DENND3: variants seen among roughly 807,000 people sequenced by gnomAD.
DENND3 encodes DENN domain-containing protein 3.
DENND3 carries 88 observed loss-of-function variants against 135.1 expected under a neutral mutation model. The ratio of observed to expected loss-of-function variants is 0.65; its 90% confidence interval spans 0.55 to 0.78. DENND3 has a LOEUF of 0.78. DENND3 is among the 30% of genes least tolerant of loss of function. DENND3 has a pLI of 0.00. For synonymous variants in DENND3, 693 were observed against 712.3 expected (o/e 0.97, Z 0.43); for missense variants, 1,392 against 1,688.4 (o/e 0.82, Z 3.08).
In DENND3 at chr8:141,168,456, C is replaced by T. The variant is rs377241801; in HGVS notation, c.2206C>T (p.Arg736Trp). ...KHMQLGDFMK[R>W]VQESGIVKDA... ...CATGCAGCTGGGCGACTTCATGAAG[C>T]GGGTCCAGGAGTCAGGGATCGTGAA... The change falls in exon 13 of 23, where the codon CGG (arginine) becomes TGG (tryptophan). Residue 736 changes from arginine (R) to tryptophan (W), a missense_variant. By Grantham distance (101) the Arg-to-Trp change is moderately radical. Transcript: ENST00000519811. This position sits in a 1 kb window ranked among gnomAD's most constrained non-coding sequence, Gnocchi z 6.2. 95 of 1,613,658 alleles carry T rather than the reference C, an allele frequency of 5.9e-5. No homozygotes were observed. Among genetic ancestry groups the T allele is most frequent in the South Asian group, 1.2e-4 (11 of 91,090 alleles).
chr8:141,144,334 C>A lies in DENND3; in HGVS notation c.735+75C>A, dbSNP rs1555542530. 7.6e-7 allele frequency: 1 copy of A among 1,313,706 alleles called. No homozygotes were observed. The highest frequency in any genetic ancestry group is 1.0e-6 in the Non-Finnish European group (1 of 952,868). The allele number at this position is 1,313,706 out of a possible 1,614,324, so 81.4% of individuals were successfully genotyped here. ...TAAGATGTTGAAGATAATGTAAATG[C>A]TCACAACTATTTCTGAAGTTCTAGC... On this transcript the variant is annotated intron_variant, in intron 5 of 22. Coordinates refer to ENST00000519811, the MANE Select transcript of DENND3 (RefSeq NM_001352890.3). The surrounding 1 kb of genome is among the most constrained non-coding windows in gnomAD (Gnocchi z 4.4).
At position 141,175,895 on chromosome 8, in the gene DENND3, G is replaced by A. The variant is rs1589675639; in HGVS notation, c.2535+436G>A. On this transcript the variant is annotated intron_variant, in intron 14 of 22. Transcript: ENST00000519811. The surrounding 1 kb of genome is among the most constrained non-coding windows in gnomAD (Gnocchi z 5.4). ...ACCTGGTTCATATAAAACATAACAA[G>A]CTTATTTTATAACAATTAAAAAATC... 1 of 212,108 alleles carries A rather than the reference G, an allele frequency of 4.7e-6. No homozygotes were observed. The highest frequency in any genetic ancestry group is 2.3e-5 in the African/African-American group (1 of 42,994). The allele number at this position is 212,108 out of a possible 1,614,324, so 13.1% of individuals were successfully genotyped here.
intron 18 of DENND3, 68 bp from the exon 19 acceptor site, chr8:141,188,918 T>C: frequency 1.3e-6 from 2 of 1,558,576 alleles, no homozygotes; most frequent in Non-Finnish European, 1.7e-6. Flanking sequence ...GTGCAGTAAA[T>C]GTATAGAATA....
intron 1 of DENND3, 108 bp from the exon 2 acceptor site, chr8:141,136,401 A>T: frequency 8.4e-7 from 1 of 1,189,274 alleles, no homozygotes; most frequent in Non-Finnish European, 1.1e-6. Context: ...GCCAGTGTTT[A>T]TGGGCACCGA....
At chr8:141,133,508 GC>G (rs1173649298) in intron 1 of DENND3, among the ~76,000 whole-genome samples, 1 of 152,206 alleles carries the variant, frequency 6.6e-6, no homozygotes, top group Non-Finnish European at 1.5e-5. Flanking sequence ...CTAGTGGGGA[GC>G]CCTGGGCTGG....
At position 141,192,600 on chromosome 8, in the gene DENND3, C is replaced by T. The variant is rs772768139; in HGVS notation, c.3573C>T (p.Pro1191=). The stretch of plus-strand genomic sequence containing the variant: ...GGAGCCTGAAGGACCTGGCCCAGCC[C>T]CCGCAGAGGGTGCCCCTCGAGGACT... The part of the protein sequence containing the change: ...YIWSLKDLAQ[P]PQRVPLEDCS... Residue 1191 remains proline, a synonymous_variant, in exon 22 of 23, where the codon CCC becomes CCT. Transcript: ENST00000519811. The T allele has an allele frequency of 2.0e-5, 31 of 1,588,338 alleles. No homozygotes were observed. In the Middle Eastern group the frequency reaches 1.7e-3, roughly 86 times the overall value.
At chr8:141,157,207 T>C (rs908970230) in intron 8 of DENND3, among the ~76,000 whole-genome samples, 11 of 152,296 alleles carry the variant, frequency 7.2e-5, no homozygotes, top group Non-Finnish European at 1.6e-4. Context: ...TATTTCATGC[T>C]TTGGGGCTCT....
In DENND3 at chr8:141,151,698, G is replaced by A; in HGVS notation, c.935G>A (p.Cys312Tyr). ...DWALLTLVTE[C>Y]FMAYLYPLQW... ...GCTCTGCTGACGCTGGTCACTGAGT[G>A]CTTCATGGCCTACCTGTATCCGCTG... The change falls in exon 7 of 23, where the codon TGC (cysteine) becomes TAC (tyrosine). Residue 312 changes from cysteine to tyrosine, a missense_variant. By Grantham distance (194) the Cys-to-Tyr change is radical (BLOSUM62 -2). Transcript: ENST00000519811. The A allele has an allele frequency of 6.2e-7, 1 of 1,614,162 alleles. No individual in the cohort carries two copies. Among genetic ancestry groups the A allele is most frequent in the Non-Finnish European group, 8.5e-7 (1 of 1,180,030 alleles).
chr8:141,168,862 T>C lies in DENND3; in HGVS notation c.2275+337T>C, dbSNP rs1821137366. ...CTCTGCGTTGGGCCCATATATTTTA[T>C]TTTACTTTATTTATGAGATGGAGTC... On this transcript the variant is annotated intron_variant, in intron 13 of 22. Transcript: ENST00000519811. The surrounding 1 kb of genome is among the most constrained non-coding windows in gnomAD (Gnocchi z 6.2). Among the ~76,000 whole-genome samples the C allele has an allele frequency of 6.6e-6, 1 of 151,814 alleles. No individual in the cohort carries two copies. Among genetic ancestry groups the C allele is most frequent in the African/African-American group, 2.4e-5 (1 of 41,270 alleles).
At position 141,167,991 on chromosome 8, in the gene DENND3, CT is replaced by C. The variant is rs1324908001; in HGVS notation, c.1754-12del. 6.3e-7 allele frequency: 1 copy of C among 1,598,342 alleles called. No homozygotes were observed. Among genetic ancestry groups the C allele is most frequent in the Non-Finnish European group, 8.5e-7 (1 of 1,170,082 alleles). On this transcript the variant is annotated splice_polypyrimidine_tract_variant and intron_variant, in intron 12 of 22. Coordinates refer to ENST00000519811, the MANE Select transcript of DENND3 (RefSeq NM_001352890.3). The surrounding 1 kb of genome is among the most constrained non-coding windows in gnomAD (Gnocchi z 4.1). ...CTGTGCTAATGGTCTCCTTTTCCCC[CT>C]GAATGTTTTAGTTCTGAATGTCACG... is the stretch of plus-strand genomic sequence containing the variant.
intron 9 of DENND3, 130 bp downstream of exon 9, chr8:141,160,917 CG>C: frequency 8.5e-7 from 1 of 1,174,114 alleles, no homozygotes; most frequent in Non-Finnish European, 1.2e-6. Context: ...GAGTGGTCCC[CG>C]CCCCCTGCCA....
intron 14 of DENND3, 89 bp from the exon 15 acceptor site, chr8:141,176,502 C>T (rs1307084550): frequency 1.3e-6 from 2 of 1,533,736 alleles, no homozygotes; most frequent in East Asian, 2.3e-5. Context: ...TCTGCCTCTT[C>T]ATTCCAGAGC....
Position 141,169,288 on chromosome 8 carries a change from C to T in DENND3, c.2275+763C>T, listed in dbSNP as rs73362470. On this transcript the variant is annotated intron_variant, in intron 13 of 22. Coordinates refer to ENST00000519811, the MANE Select transcript of DENND3 (RefSeq NM_001352890.3). ...GTTGCCCTGGGCACTTACCTGGGAA[C>T]GGGTGTGGTTGGCGGGGCCCTTAGG... Among the ~76,000 whole-genome samples, 1,076 of 152,372 alleles carry T rather than the reference C, an allele frequency of 7.1e-3. 11 individuals carry two copies. The highest frequency in any genetic ancestry group is 0.025 in the African/African-American group (1,026 of 41,586).
intron 5 of DENND3, among the ~76,000 whole-genome samples, chr8:141,148,743 A>T (rs1427796602): frequency 6.8e-6 from 1 of 147,400 alleles, no homozygotes; most frequent in Non-Finnish European, 1.5e-5. Context: ...TAGCATTTGT[A>T]TTTTTTTTTT....
chr8:141,185,887 C>T (rs370227805), intron 18 of DENND3, among the ~76,000 whole-genome samples: 30 of 151,668 alleles, frequency 2.0e-4, no homozygotes, highest in African/African-American at 6.5e-4. Context: ...TGAAGTGGAG[C>T]CATTGTGGTC....
At chr8:141,151,937 G>A in intron 7 of DENND3, 100 bp downstream of exon 7, 1 of 1,420,102 alleles carries the variant, frequency 7.0e-7, no homozygotes, top group South Asian at 1.3e-5. Flanking sequence ...GGTGAAGGCG[G>A]GGTCTGTGTG....
chr8:141,168,104 C>T lies in DENND3; in HGVS notation c.1854C>T (p.Val618=). The T allele has an allele frequency of 6.2e-7, 1 of 1,614,218 alleles. No individual in the cohort carries two copies. Among genetic ancestry groups the T allele is most frequent in the Non-Finnish European group, 8.5e-7 (1 of 1,180,044 alleles). The change falls in exon 13 of 23, where the codon GTC becomes GTT. Residue 618 remains valine, a synonymous_variant. Transcript: ENST00000519811. The surrounding 1 kb of genome is among the most constrained non-coding windows in gnomAD (Gnocchi z 6.2). ...KCVQAYHAHF[V]SMLSEAMCFL... is the part of the protein sequence containing the mutation. Reference sequence around the variant, plus strand: ...TGCAGGCATACCATGCCCACTTTGTCTCCATGCTGAGCGAGGCCATGTGCT... The same window carrying T: ...TGCAGGCATACCATGCCCACTTTGTTTCCATGCTGAGCGAGGCCATGTGCT...
chr8:141,145,830 TA>T lies in DENND3; in HGVS notation c.735+1572del, dbSNP rs1569555461. Among the ~76,000 whole-genome samples, 294 of 86,880 alleles carry T rather than the reference TA, an allele frequency of 3.4e-3. 12 individuals carry two copies. Among genetic ancestry groups the T allele is most frequent in the African/African-American group, 0.016 (220 of 13,842 alleles). The allele number at this position is 86,880 out of a possible 152,430, so 57.0% of individuals were successfully genotyped here. A position where few individuals can be genotyped will look rare whatever the true frequency, so the allele number is the denominator to read the frequency against. The stretch of plus-strand genomic sequence containing the variant: ...ATATATATATATATATATATATATA[TA>T]TATATATATATATATATATGTATTT... On this transcript the variant is annotated intron_variant, in intron 5 of 22. Coordinates refer to ENST00000519811, the MANE Select transcript of DENND3 (RefSeq NM_001352890.3).
At position 141,146,184 on chromosome 8, in the gene DENND3, C is replaced by A. The variant is rs558641770; in HGVS notation, c.735+1925C>A. ...TCATTTGTTAGTGTTTTCTCTTGTA[C>A]AGTGTGATTAATGAGAAGTAACTGG... On this transcript the variant is annotated intron_variant, in intron 5 of 22. Transcript: ENST00000519811. The surrounding 1 kb of genome is among the most constrained non-coding windows in gnomAD (Gnocchi z 4.3). 2.0e-5 allele frequency among the ~76,000 whole-genome samples: 3 copies of A among 152,198 alleles called. No homozygotes were observed. In the South Asian group the frequency reaches 6.2e-4, roughly 32 times the overall value.
Sources: allele counts gnomAD v4.1 joint callset (sites outside exome capture counted in the v4.1 genomes callset), GRCh38; gene constraint gnomAD v4.1.1; non-coding constraint Gnocchi (gnomAD v3.1); transcripts MANE v1.5; gene names NCBI Gene and HGNC (gene_info 2026-07-23, HGNC 2026-07-21).